The following GRIP1 variants were observed in gnomAD, a reference collection of about 807,000 sequenced individuals.
GRIP1 encodes the protein glutamate receptor interacting protein 1.
Under a neutral mutation model 129.9 loss-of-function variants are expected in GRIP1, and 45 were observed. The observed-to-expected ratio is 0.35, with a 90% CI of 0.27 to 0.44. The LOEUF is 0.44. Ranked by LOEUF, GRIP1 falls within the 20% of genes least tolerant of loss-of-function variation. GRIP1 has a pLI of 1.00. For synonymous variants in GRIP1, 530 were observed against 520.8 expected (o/e 1.02, Z -0.24); for missense variants, 1,196 against 1,396.8 (o/e 0.86, Z 2.29).
At chr12:66,480,280 A>T (rs1282144688) in intron 7 of GRIP1, among the ~76,000 whole-genome samples, 1 of 150,020 alleles carries the variant, frequency 6.7e-6, no homozygotes, top group African/African-American at 2.4e-5. Flanking sequence ...CAATAATAGA[A>T]AGCCAAATCA....
chr12:66,794,174 AT>A (rs1026481303), intron 1 of GRIP1, among the ~76,000 whole-genome samples: 32 of 152,306 alleles, frequency 2.1e-4, no homozygotes, highest in African/African-American at 7.0e-4. Context: ...AATCATTGAT[AT>A]GGCAAACTAA....
chr12:66,492,156 T>A (rs1275564744), intron 7 of GRIP1, among the ~76,000 whole-genome samples: 1 of 151,980 alleles, frequency 6.6e-6, no homozygotes, highest in Admixed American at 6.5e-5. Flanking sequence ...ACAGTTGGCT[T>A]CATGTTTCAG....
chr12:66,367,156 A>G (rs1765750791), intron 23 of GRIP1, among the ~76,000 whole-genome samples: 1 of 152,232 alleles, frequency 6.6e-6, no homozygotes, highest in Admixed American at 6.5e-5. Flanking sequence ...AGGGTTATCA[A>G]TGAACGGTAG....
At chr12:67,030,466 T>C (rs1049203484) in intron 1 of GRIP1, among the ~76,000 whole-genome samples, 1 of 152,022 alleles carries the variant, frequency 6.6e-6, no homozygotes, top group African/African-American at 2.4e-5. Context: ...AGATCAAAAA[T>C]AGCCACTTAA....
intron 1 of GRIP1, among the ~76,000 whole-genome samples, chr12:66,707,905 T>TA (rs1316442484): frequency 1.3e-5 from 2 of 152,018 alleles, no homozygotes; most frequent in African/African-American, 4.8e-5. Flanking sequence ...ATCTGGATGT[T>TA]AAAAAATATA....
At chr12:66,883,192 C>G (rs983409398) in intron 1 of GRIP1, among the ~76,000 whole-genome samples, 1 of 152,134 alleles carries the variant, frequency 6.6e-6, no homozygotes, top group African/African-American at 2.4e-5. Flanking sequence ...ATGCCACTCT[C>G]CTTTGGGGCT....
At chr12:66,916,272 T>C (rs1260413468) in intron 1 of GRIP1, among the ~76,000 whole-genome samples, 3 of 152,224 alleles carry the variant, frequency 2.0e-5, no homozygotes, top group African/African-American at 7.2e-5. Context: ...GAGGTATCTG[T>C]ACATCAACTC....
chr12:66,681,636 G>A (rs1167458083), upstream of GRIP1, among the ~76,000 whole-genome samples: 1 of 152,134 alleles, frequency 6.6e-6, no homozygotes, highest in Non-Finnish European at 1.5e-5. Flanking sequence ...TTTACAACAT[G>A]CTCTGTGAGG....
intron 6 of GRIP1, among the ~76,000 whole-genome samples, chr12:66,516,306 G>A (rs1212166721): frequency 6.6e-6 from 1 of 152,120 alleles, no homozygotes; most frequent in Non-Finnish European, 1.5e-5. Context: ...GAAGGCAAAT[G>A]CTATCCTCCC....
chr12:66,974,230 T>TA (rs1242367280), intron 1 of GRIP1, among the ~76,000 whole-genome samples: 1 of 152,050 alleles, frequency 6.6e-6, no homozygotes, highest in Non-Finnish European at 1.5e-5. Flanking sequence ...GGCCTGGTCT[T>TA]TACTTAAGTA....
At chr12:66,389,770 C>T (rs954767930) in intron 19 of GRIP1, among the ~76,000 whole-genome samples, 4 of 152,106 alleles carry the variant, frequency 2.6e-5, no homozygotes, top group African/African-American at 9.7e-5. Flanking sequence ...TCCGGGCTGT[C>T]GGGCTGTTGT....
intron 1 of GRIP1, among the ~76,000 whole-genome samples, chr12:66,775,687 T>C (rs2037957051): frequency 6.6e-6 from 1 of 151,574 alleles, no homozygotes; most frequent in South Asian, 2.1e-4. Context: ...ATATATTTAA[T>C]AATAATTATT....
chr12:66,458,684 C>T (rs1331944670), intron 9 of GRIP1, among the ~76,000 whole-genome samples: 1 of 152,234 alleles, frequency 6.6e-6, no homozygotes, highest in Non-Finnish European at 1.5e-5. Context: ...TGCGCCGGGC[C>T]TGAATAGCTA....
intron 1 of GRIP1, among the ~76,000 whole-genome samples, chr12:66,989,026 A>G (rs568903671): frequency 6.6e-6 from 1 of 152,332 alleles, no homozygotes; most frequent in African/African-American, 2.4e-5. Flanking sequence ...AGAACAGTGC[A>G]AAATTCCACC....
At chr12:66,568,997 T>G in intron 2 of GRIP1, 2 of 485,312 alleles carry the variant, frequency 4.1e-6, no homozygotes, top group South Asian at 3.1e-5. Flanking sequence ...GTACTTATAA[T>G]TCTATCTGCG....
At chr12:66,698,037 T>C (rs569152700) in intron 1 of GRIP1, among the ~76,000 whole-genome samples, 2 of 152,302 alleles carry the variant, frequency 1.3e-5, no homozygotes, top group African/African-American at 4.8e-5. Flanking sequence ...GGTTACAGTA[T>C]TTGTGATCCT....
At chr12:66,494,445 C>G (rs2060183281) in intron 7 of GRIP1, among the ~76,000 whole-genome samples, 2 of 152,302 alleles carry the variant, frequency 1.3e-5, no homozygotes, top group Admixed American at 1.3e-4. Flanking sequence ...GCTATAGTTT[C>G]TTTCAATCTT....
chr12:66,924,770 A>G (rs1020247111), intron 1 of GRIP1, among the ~76,000 whole-genome samples: 5 of 152,268 alleles, frequency 3.3e-5, no homozygotes, highest in African/African-American at 1.2e-4. Flanking sequence ...GATCGAGACC[A>G]TCCTGGCTAA....
chr12:66,620,526 C>T (rs139837189), intron 1 of GRIP1, among the ~76,000 whole-genome samples: 3,855 of 152,176 alleles, frequency 0.025, 59 homozygotes, highest in Non-Finnish European at 0.035. Context: ...CATTATCAGG[C>T]TGATGTTAAC....
Sources: gnomAD v4.1 joint callset for allele counts (sites outside exome capture counted in the v4.1 genomes callset) on GRCh38, gnomAD v4.1.1 for gene constraint, MANE v1.5 for transcripts, NCBI Gene and HGNC (gene_info 2026-07-23, HGNC 2026-07-21) for gene names.